Variants in CRADD observed in about 807,000 individuals in gnomAD.
The protein encoded by CRADD is CARD and death domain containing adaptor protein, also known as death domain-containing protein CRADD.
Under a neutral mutation model 15.5 loss-of-function variants are expected in CRADD, and 9 were observed. The observed-to-expected ratio is 0.58, with a 90% CI of 0.35 to 1.01. The LOEUF (loss-of-function observed/expected upper bound fraction) is 1.01, where lower values mean the gene tolerates loss of function less well. Among genes scored for constraint, CRADD ranks in the 50% least tolerant of loss-of-function variants. The pLI, the probability that CRADD is intolerant of heterozygous loss-of-function variation, is 0.02. For synonymous variants in CRADD, 118 were observed against 107.6 expected (o/e 1.10, Z -0.60); for missense variants, 227 against 250.3 (o/e 0.91, Z 0.63).
rs148447354 is a variant in CRADD, at chr12:93,732,031, G to A, written c.298+52959G>A. Among the ~76,000 whole-genome samples the A allele has an allele frequency of 2.0e-4, 30 of 152,186 alleles. 1 individual carries two copies. In the East Asian group the frequency reaches 5.8e-3, roughly 29 times the overall value. On this transcript the variant is annotated intron_variant, in intron 2 of 2. Coordinates refer to ENST00000332896, the MANE Select transcript of CRADD (RefSeq NM_003805.5). Reference sequence around the variant, plus strand: ...GGTGCCTGTAATCCCAGCTACTTGGGAGGCTGAGGCAGGAGAATCGCTTGA... The same window carrying A: ...GGTGCCTGTAATCCCAGCTACTTGGAAGGCTGAGGCAGGAGAATCGCTTGA...
intron 2 of CRADD, among the ~76,000 whole-genome samples, chr12:93,694,562 A>G (rs765561695): frequency 2.0e-5 from 3 of 152,170 alleles, no homozygotes; most frequent in Non-Finnish European, 4.4e-5. Context: ...GATCTTAAAT[A>G]TAGGAAACCC....
At chr12:93,761,484 C>T (rs946854293) in intron 2 of CRADD, among the ~76,000 whole-genome samples, 6 of 152,012 alleles carry the variant, frequency 3.9e-5, no homozygotes, top group Admixed American at 2.6e-4. Context: ...AAGGATGACT[C>T]GTTGTTTGGG....
downstream of CRADD, among the ~76,000 whole-genome samples, chr12:93,853,917 C>T (rs1302560976): frequency 2.6e-5 from 4 of 152,238 alleles, no homozygotes; most frequent in East Asian, 1.9e-4. Context: ...ATCTTTAGGT[C>T]GGTTTTGCCT....
chr12:93,735,287 G>T (rs562150564), intron 2 of CRADD, among the ~76,000 whole-genome samples: 1 of 152,186 alleles, frequency 6.6e-6, no homozygotes. Context: ...CAGGTTTCTT[G>T]TGTTTTACTA....
chr12:93,738,649 CT>C, intron 2 of CRADD: 1 of 536,624 alleles, frequency 1.9e-6, no homozygotes. Context: ...TTTGGTTATT[CT>C]TTTTTGTGCG....
At chr12:93,754,261 C>T (rs1026090482) in intron 2 of CRADD, among the ~76,000 whole-genome samples, 2 of 152,248 alleles carry the variant, frequency 1.3e-5, no homozygotes, top group Admixed American at 1.3e-4. Flanking sequence ...GGACCTGGTC[C>T]ATGAAACCAT....
chr12:93,792,397 C>G (rs1957358428), intron 2 of CRADD, among the ~76,000 whole-genome samples: 1 of 152,124 alleles, frequency 6.6e-6, no homozygotes. Context: ...CTTTCTGCAC[C>G]AAATAGTTCC....
intron 2 of CRADD, among the ~76,000 whole-genome samples, chr12:93,723,371 C>T (rs1479326855): frequency 6.6e-6 from 1 of 152,028 alleles, no homozygotes; most frequent in East Asian, 1.9e-4. Context: ...TTTTTCTGAC[C>T]CTGCATTCTG....
intron 2 of CRADD, among the ~76,000 whole-genome samples, chr12:93,775,993 C>G (rs1217470429): frequency 6.6e-6 from 1 of 152,170 alleles, no homozygotes; most frequent in African/African-American, 2.4e-5. Context: ...TTCTCTTTCT[C>G]TAAAACCTTT....
chr12:93,803,952 G>A (rs1957505626), intron 2 of CRADD, among the ~76,000 whole-genome samples: 1 of 152,100 alleles, frequency 6.6e-6, no homozygotes, highest in Non-Finnish European at 1.5e-5. Flanking sequence ...GAAGATGGTG[G>A]CAAGGCCTTG....
intron 2 of CRADD, among the ~76,000 whole-genome samples, chr12:93,859,146 G>T (rs981432858): frequency 6.6e-6 from 1 of 152,170 alleles, no homozygotes; most frequent in African/African-American, 2.4e-5. Flanking sequence ...GCCTGATTGT[G>T]TGTGCAGATG....
chr12:93,684,861 T>G (rs1955396621), intron 2 of CRADD, among the ~76,000 whole-genome samples: 1 of 152,260 alleles, frequency 6.6e-6, no homozygotes, highest in African/African-American at 2.4e-5. Flanking sequence ...GGTGACAATG[T>G]GGCTAATAAG....
intron 2 of CRADD, among the ~76,000 whole-genome samples, chr12:93,864,423 A>T (rs1389648538): frequency 1.3e-5 from 2 of 152,200 alleles, no homozygotes; most frequent in Non-Finnish European, 2.9e-5. Flanking sequence ...ATGTCTGTGC[A>T]AGTACACCAC....
rs763281277 is a variant in CRADD, at chr12:93,824,977, G to T, written c.299-24993G>T. 1.3e-5 allele frequency among the ~76,000 whole-genome samples: 2 copies of T among 152,182 alleles called. No individual in the cohort carries two copies. The highest frequency in any genetic ancestry group is 2.1e-4 in the South Asian group (1 of 4,836). On this transcript the variant is annotated intron_variant, in intron 2 of 2. Coordinates refer to ENST00000332896, the MANE Select transcript of CRADD (RefSeq NM_003805.5). The surrounding 1 kb of genome is among the most constrained non-coding windows in gnomAD (Gnocchi z 4.3). Reference sequence around the variant, plus strand: ...ATATATTCATTAATACATGGGGCTTGTTCCAAATCGATCATGAAAATAAGT... The same window carrying T: ...ATATATTCATTAATACATGGGGCTTTTTCCAAATCGATCATGAAAATAAGT...
At chr12:93,791,674 C>A (rs1662389337) in intron 2 of CRADD, among the ~76,000 whole-genome samples, 1 of 152,056 alleles carries the variant, frequency 6.6e-6, no homozygotes, top group African/African-American at 2.4e-5. Flanking sequence ...CAAATGTTCA[C>A]ACCACAAAAA....
intron 2 of CRADD, among the ~76,000 whole-genome samples, chr12:93,689,079 C>T (rs1243149606): frequency 6.6e-6 from 1 of 152,166 alleles, no homozygotes; most frequent in Non-Finnish European, 1.5e-5. Flanking sequence ...CTGAATCTCT[C>T]CCATTTCAAC....
chr12:93,768,780 T>G (rs10777543), intron 2 of CRADD, among the ~76,000 whole-genome samples: 1 of 151,890 alleles, frequency 6.6e-6, no homozygotes, highest in South Asian at 2.1e-4. Context: ...TTTACTGCCC[T>G]CTACTTAGGT....
intron 2 of CRADD, among the ~76,000 whole-genome samples, chr12:93,785,082 G>A: frequency 6.6e-6 from 1 of 150,674 alleles, no homozygotes; most frequent in East Asian, 2.0e-4. Flanking sequence ...ACAATGTTGT[G>A]TTTTGCTTTT....
chr12:93,703,838 A>G (rs962939626), intron 2 of CRADD, among the ~76,000 whole-genome samples: 1 of 152,206 alleles, frequency 6.6e-6, no homozygotes, highest in Non-Finnish European at 1.5e-5. Flanking sequence ...TAGTAATTCA[A>G]GAACAGACCT....
Sources: gnomAD v4.1 joint callset for allele counts (sites outside exome capture counted in the v4.1 genomes callset) on GRCh38, gnomAD v4.1.1 for gene constraint, Gnocchi (gnomAD v3.1) non-coding constraint, MANE v1.5 for transcripts, NCBI Gene and HGNC (gene_info 2026-07-23, HGNC 2026-07-21) for gene names.